Variants in ZNF429 observed in about 807,000 individuals in gnomAD.
ZNF429 encodes the protein zinc finger protein 429.
In ZNF429, 53 loss-of-function variants were observed where a neutral mutation model predicts 56.8. The observed-to-expected ratio is 0.93, with a 90% confidence interval of 0.75 to 1.17. The LOEUF (loss-of-function observed/expected upper bound fraction) is 1.17. Ranked by LOEUF, ZNF429 falls within the 50% of genes most tolerant of loss-of-function variation. ZNF429 has a pLI of 0.00. For synonymous variants in ZNF429, 278 were observed against 264.7 expected (o/e 1.05, Z -0.49); for missense variants, 849 against 788.4 (o/e 1.08, Z -0.92).
At chr19:21,513,576 G>C (rs2032601295) in intron 1 of ZNF429, among the ~76,000 whole-genome samples, 1 of 152,174 alleles carries the variant, frequency 6.6e-6, no homozygotes, top group South Asian at 2.1e-4. Flanking sequence ...TCAAATGTTA[G>C]ACATTGAGTT....
chr19:21,538,997 T>C lies in ZNF429; in HGVS notation c.*919T>C, dbSNP rs925158779. ...AACCCTGAAGCAGTTGCACCAACTTTGTTCAACATCAGAAATTTATATTGG... is the reference window on the plus strand; with the variant it reads ...AACCCTGAAGCAGTTGCACCAACTTCGTTCAACATCAGAAATTTATATTGG... On this transcript the variant is annotated 3_prime_UTR_variant, in exon 4 of 4. Coordinates refer to ENST00000358491, the MANE Select transcript of ZNF429 (RefSeq NM_001001415.4). Among the ~76,000 whole-genome samples, 5 of 152,334 alleles carry C rather than the reference T, an allele frequency of 3.3e-5. No homozygotes were observed. The highest frequency in any genetic ancestry group is 1.3e-4 in the Admixed American group (2 of 15,300).
chr19:21,524,527 C>CAA (rs956212682), intron 1 of ZNF429, among the ~76,000 whole-genome samples: 4 of 137,494 alleles, frequency 2.9e-5, no homozygotes, highest in Non-Finnish European at 1.6e-5. Flanking sequence ...GACTCCATCT[C>CAA]AAAAAAAAAA....
At chr19:21,514,892 C>G (rs2032667052) in intron 1 of ZNF429, among the ~76,000 whole-genome samples, 1 of 151,920 alleles carries the variant, frequency 6.6e-6, no homozygotes, top group Non-Finnish European at 1.5e-5. Context: ...AGCCACTGTG[C>G]CTGGCCACCA....
intron 1 of ZNF429, among the ~76,000 whole-genome samples, chr19:21,519,327 T>C (rs554218205): frequency 1.3e-5 from 2 of 152,282 alleles, no homozygotes; most frequent in Non-Finnish European, 2.9e-5. Context: ...TTCCTTTCTC[T>C]TATGATTCCT....
At chr19:21,508,040 G>A (rs1362413368) in intron 1 of ZNF429, among the ~76,000 whole-genome samples, 1 of 152,116 alleles carries the variant, frequency 6.6e-6, no homozygotes, top group African/African-American at 2.4e-5. Flanking sequence ...ATCACCTGAG[G>A]TCAGGAGTTC....
chr19:21,521,326 T>A (rs949229438), intron 1 of ZNF429: 8 of 152,186 alleles, frequency 5.3e-5, no homozygotes, highest in African/African-American at 1.9e-4. Context: ...ATAAACAAAG[T>A]CAGGTTCCAG....
chr19:21,535,373 C>CTCTCT, intron 3 of ZNF429, among the ~76,000 whole-genome samples: 1 of 70,504 alleles, frequency 1.4e-5, no homozygotes, highest in Non-Finnish European at 2.8e-5. Flanking sequence ...TTCTTTCTTT[C>CTCTCT]TTTCTTTTTT....
rs2033752610 is a variant in ZNF429 at position 21,537,558 on chromosome 19, T to C, written c.1505T>C (p.Ile502Thr). Residue 502 changes from isoleucine to threonine, a missense_variant, in exon 4 of 4, where the codon ATT (isoleucine) becomes ACT (threonine). Transcript: ENST00000358491. Reference sequence around the variant, plus strand: ...TCAAACCTTAACAGTCATAAAAAAATTCATAGTGGAGAGAAACCCTACAAA... The same window carrying C: ...TCAAACCTTAACAGTCATAAAAAAACTCATAGTGGAGAGAAACCCTACAAA... ...QSSNLNSHKK[I>T]HSGEKPYKCE... 1.9e-6 allele frequency: 3 copies of C among 1,613,454 alleles called. No homozygotes were observed. Among genetic ancestry groups the C allele is most frequent in the Non-Finnish European group, 2.5e-6 (3 of 1,179,982 alleles).
At chr19:21,509,803 A>G (rs973545764) in intron 1 of ZNF429, among the ~76,000 whole-genome samples, 3 of 152,268 alleles carry the variant, frequency 2.0e-5, no homozygotes, top group African/African-American at 7.2e-5. Context: ...TATAAAAAAA[A>G]GAAAATTGAA....
chr19:21,522,161 G>A (rs2033007319), intron 1 of ZNF429, among the ~76,000 whole-genome samples: 1 of 152,194 alleles, frequency 6.6e-6, no homozygotes, highest in African/African-American at 2.4e-5. Context: ...GAGAGTGAGA[G>A]CCTACCTTCA....
intron 3 of ZNF429, among the ~76,000 whole-genome samples, chr19:21,535,428 CT>C: frequency 2.9e-4 from 2 of 6,792 alleles, no homozygotes; most frequent in South Asian, 4.1e-3. Flanking sequence ...TTCTTTCTTT[CT>C]TTCTTTCTTT....
intron 2 of ZNF429, among the ~76,000 whole-genome samples, chr19:21,530,062 G>T: frequency 1.3e-5 from 2 of 152,000 alleles, no homozygotes. Flanking sequence ...ACAGTGGCAG[G>T]CACCTGTAGT....
chr19:21,516,014 A>G (rs1361524561), intron 1 of ZNF429, among the ~76,000 whole-genome samples: 1 of 151,816 alleles, frequency 6.6e-6, no homozygotes, highest in Non-Finnish European at 1.5e-5. Context: ...AGTGGGGTAA[A>G]GTGATACAGT....
intron 1 of ZNF429, among the ~76,000 whole-genome samples, chr19:21,512,657 C>A (rs1242932119): frequency 1.2e-5 from 1 of 81,802 alleles, no homozygotes. Context: ...AGCAAGACTC[C>A]ATCTCAAAAA....
At chr19:21,522,954 G>C (rs1373195490) in intron 1 of ZNF429, among the ~76,000 whole-genome samples, 1 of 151,576 alleles carries the variant, frequency 6.6e-6, no homozygotes, top group Non-Finnish European at 1.5e-5. Context: ...ATGTCTCTTT[G>C]TTATCTATAG....
intron 1 of ZNF429, among the ~76,000 whole-genome samples, chr19:21,526,196 A>G (rs1008752056): frequency 6.6e-5 from 10 of 151,190 alleles, no homozygotes; most frequent in African/African-American, 1.9e-4. Flanking sequence ...TTTTTTTTCC[A>G]TAAGTCACTG....
intron 1 of ZNF429, among the ~76,000 whole-genome samples, chr19:21,515,783 G>A (rs2032710703): frequency 6.6e-6 from 1 of 152,072 alleles, no homozygotes; most frequent in South Asian, 2.1e-4. Context: ...AGAAAGGGGT[G>A]CTGTTTCAGT....
chr19:21,524,548 A>C lies in ZNF429; in HGVS notation c.4-5110A>C, dbSNP rs550466831. ...ATCTCAAAAAAAAAAAAAAGTGAACACTGTAGTAGAGTATTCTTGTCCTTC... is the reference window on the plus strand; with the variant it reads ...ATCTCAAAAAAAAAAAAAAGTGAACCCTGTAGTAGAGTATTCTTGTCCTTC... On this transcript the variant is annotated intron_variant, in intron 1 of 3. Transcript: ENST00000358491. Among the ~76,000 whole-genome samples, 4 of 151,746 alleles carry C rather than the reference A, an allele frequency of 2.6e-5. No individual in the cohort carries two copies. The East Asian group carries it at 7.8e-4, about 29-fold the overall frequency.
chr19:21,516,698 G>T (rs2145432373), intron 1 of ZNF429, among the ~76,000 whole-genome samples: 1 of 152,210 alleles, frequency 6.6e-6, no homozygotes, highest in Admixed American at 6.5e-5. Flanking sequence ...TATTCTTTTT[G>T]TGGCAGTTGT....
Sources: allele counts gnomAD v4.1 joint callset (sites outside exome capture counted in the v4.1 genomes callset), GRCh38; gene constraint gnomAD v4.1.1; transcripts MANE v1.5; gene names NCBI Gene and HGNC (gene_info 2026-07-23, HGNC 2026-07-21).